The following DNAH7 variants were observed in gnomAD, a reference collection of about 807,000 sequenced individuals.
The protein encoded by DNAH7 is axonemal beta dynein heavy chain 7.
Under a neutral mutation model 444.6 loss-of-function variants are expected in DNAH7, and 397 were observed. The observed-to-expected ratio is 0.89, with a 90% CI of 0.82 to 0.97. DNAH7 has a LOEUF of 0.97. Ranked by LOEUF, DNAH7 falls within the 50% of genes least tolerant of loss-of-function variation. DNAH7 has a pLI of 0.00. For missense variants in DNAH7, 4,902 were observed against 4,800.8 expected, an observed-to-expected ratio of 1.02 and a Z score of -0.62; for synonymous variants, 1,636 against 1,624.4, an observed-to-expected ratio of 1.01 and a Z score of -0.17.
At chr2:195,796,034 T>C (rs1255745431) in intron 56 of DNAH7, among the ~76,000 whole-genome samples, 1 of 152,070 alleles carries the variant, frequency 6.6e-6, no homozygotes, top group East Asian at 1.9e-4. Context: ...CATGGAGTTT[T>C]TTTCCTGGAA....
At chr2:195,831,737 CCAGA>C (rs1423372860) in intron 48 of DNAH7, among the ~76,000 whole-genome samples, 1 of 152,126 alleles carries the variant, frequency 6.6e-6, no homozygotes, top group Non-Finnish European at 1.5e-5. Flanking sequence ...ACAGTAAGCA[CCAGA>C]CAAAGACAGA....
chr2:195,894,892 T>G, intron 30 of DNAH7, 84 bp downstream of exon 30: 9 of 1,250,700 alleles, frequency 7.2e-6, no homozygotes, highest in Non-Finnish European at 9.5e-6. Flanking sequence ...GTTGCCACAT[T>G]GAATGCATCT....
At chr2:195,794,670 T>C (rs1437650426) in intron 56 of DNAH7, 132 bp from the exon 57 acceptor site, 2 of 801,050 alleles carry the variant, frequency 2.5e-6, no homozygotes, top group African/African-American at 3.5e-5. Context: ...GCTGCAATTT[T>C]CAGCAAAAGC....
At chr2:195,961,089 GAGCAGTAATCTC>G (rs1691067192) in intron 17 of DNAH7, 144 bp from the exon 18 acceptor site, 1 of 578,498 alleles carries the variant, frequency 1.7e-6, no homozygotes, top group African/African-American at 1.9e-5. Flanking sequence ...TAGAAAAACA[GAGCAGTAATCTC>G]ATTTTCCTAT....
chr2:195,884,510 G>A (rs1282099026), intron 35 of DNAH7, 75 bp downstream of exon 35: 3 of 1,068,234 alleles, frequency 2.8e-6, no homozygotes. Context: ...GTGGCCACAG[G>A]GCCATTATAT....
rs766805226 is a variant in DNAH7, at chr2:195,861,961, A to T, written c.7507-15T>A. The T allele has an allele frequency of 6.3e-7, 1 of 1,586,076 alleles. No homozygotes were observed. Among genetic ancestry groups the T allele is most frequent in the Non-Finnish European group, 8.7e-7 (1 of 1,155,142 alleles). On this transcript the variant is annotated splice_polypyrimidine_tract_variant and intron_variant, in intron 41 of 64. Coordinates refer to ENST00000312428, the MANE Select transcript of DNAH7 (RefSeq NM_018897.3). Reference sequence around the variant, plus strand: ...TCAGGCCATGACTAAATGTAAGATAAATGCTTTAGCATTTTATTAAGATTA... The same window carrying T: ...TCAGGCCATGACTAAATGTAAGATATATGCTTTAGCATTTTATTAAGATTA...
At chr2:195,943,484 G>A (rs1443253154) in intron 19 of DNAH7, among the ~76,000 whole-genome samples, 10 of 152,094 alleles carry the variant, frequency 6.6e-5, no homozygotes, top group South Asian at 6.2e-4. Context: ...AATTCATTTC[G>A]TGCAGACACA....
Position 195,957,269 on chromosome 2 carries a change from C to T in DNAH7, c.3070G>A (p.Val1024Ile). Residue 1024 changes from valine to isoleucine, a missense_variant, in exon 19 of 65, where the codon GTC (valine) becomes ATC (isoleucine). Physicochemically the swap from Val to Ile is conservative, Grantham distance 29 (BLOSUM62 3). Transcript: ENST00000312428. ...GAGATTTTTTCACCTACCTGCATGACACTTCTCATTATATCTCTCCATGTC... is the reference window on the plus strand; with the variant it reads ...GAGATTTTTTCACCTACCTGCATGATACTTCTCATTATATCTCTCCATGTC... ...DKTWRDIMRS[V>I]MQDKHVLTVV... The T allele has an allele frequency of 6.5e-7, 1 of 1,528,448 alleles. No individual in the cohort carries two copies. The highest frequency in any genetic ancestry group is 8.9e-7 in the Non-Finnish European group (1 of 1,126,894). 94.7% of individuals were successfully genotyped at this position (1,528,448 alleles called of 1,614,324 possible). A position where few individuals can be genotyped will look rare whatever the true frequency, so the allele number is the denominator to read the frequency against.
intron 40 of DNAH7, 44 bp downstream of exon 40, chr2:195,872,206 C>A: frequency 2.1e-6 from 3 of 1,443,268 alleles, no homozygotes; most frequent in Non-Finnish European, 1.9e-6. Flanking sequence ...CATGGCAAAT[C>A]TTTGTTTCTC....
intron 25 of DNAH7, among the ~76,000 whole-genome samples, chr2:195,909,692 T>C (rs1290389126): frequency 2.0e-5 from 3 of 152,132 alleles, no homozygotes; most frequent in Non-Finnish European, 4.4e-5. Flanking sequence ...AATAACAAGA[T>C]CTGTAGGTTA....
chr2:195,883,352 G>C (rs184357591), intron 35 of DNAH7, among the ~76,000 whole-genome samples: 2 of 152,164 alleles, frequency 1.3e-5, no homozygotes, highest in East Asian at 3.9e-4. Context: ...AGAGGCTGAG[G>C]CAGGAGAATG....
At position 195,936,659 on chromosome 2, in the gene DNAH7, A is replaced by G. The variant is rs1243919083; in HGVS notation, c.3212T>C (p.Phe1071Ser). The change falls in exon 20 of 65, where the codon TTC (phenylalanine) becomes TCC (serine). Residue 1071 changes from phenylalanine (F) to serine (S), a missense_variant. By Grantham distance (155) the Phe-to-Ser change is radical. Coordinates refer to ENST00000312428, the MANE Select transcript of DNAH7 (RefSeq NM_018897.3). Reference sequence around the variant, plus strand: ...AAGTTCATCATTGGACAAAAAAAAGAATCTGGGGAAAAAGAGGCGTTTCTT... The same window carrying G: ...AAGTTCATCATTGGACAAAAAAAAGGATCTGGGGAAAAAGAGGCGTTTCTT... Reference protein sequence around the residue: ...LEKKRLFFPRFFFLSNDELLE... With the variant: ...LEKKRLFFPRSFFLSNDELLE... 6.2e-7 allele frequency: 1 copy of G among 1,606,126 alleles called. No homozygotes were observed. The highest frequency in any genetic ancestry group is 1.7e-5 in the Admixed American group (1 of 58,584).
intron 21 of DNAH7, among the ~76,000 whole-genome samples, chr2:195,934,040 A>G (rs1305483220): frequency 6.6e-6 from 1 of 152,126 alleles, no homozygotes; most frequent in Non-Finnish European, 1.5e-5. Flanking sequence ...TGAGTGCTCA[A>G]TCTTTATTTA....
At chr2:195,923,450 TA>T in intron 23 of DNAH7, 144 bp downstream of exon 23, 1 of 697,264 alleles carries the variant, frequency 1.4e-6, no homozygotes, top group Non-Finnish European at 2.4e-6. Context: ...ATCTTCAATA[TA>T]AAGAAATGCT....
chr2:195,961,700 G>T (rs966654709), intron 17 of DNAH7, among the ~76,000 whole-genome samples: 1 of 152,110 alleles, frequency 6.6e-6, no homozygotes. Flanking sequence ...TAAAGAAAGA[G>T]TTTTTGTCTG....
chr2:195,753,986 C>T (rs931711964), intron 63 of DNAH7, among the ~76,000 whole-genome samples: 2 of 152,176 alleles, frequency 1.3e-5, no homozygotes, highest in African/African-American at 4.8e-5. Flanking sequence ...GGCTGATTAT[C>T]CTATATGCTG....
intron 21 of DNAH7, among the ~76,000 whole-genome samples, chr2:195,931,566 T>A (rs1350622263): frequency 3.3e-5 from 5 of 151,930 alleles, no homozygotes; most frequent in Non-Finnish European, 7.4e-5. Context: ...GTCTAACATT[T>A]AAGTCTTTAA....
chr2:195,827,581 C>CTATTT (rs1282878659), intron 48 of DNAH7, among the ~76,000 whole-genome samples: 11 of 151,562 alleles, frequency 7.3e-5, no homozygotes, highest in African/African-American at 2.7e-4. Context: ...TGCCTCCAGC[C>CTATTT]TATTTTATTT....
intron 27 of DNAH7, chr2:195,901,766 A>G (rs1315188621): frequency 6.6e-6 from 1 of 152,178 alleles, no homozygotes. Flanking sequence ...TTCAACAAGC[A>G]TAATAAAGGA....
Sources: allele counts gnomAD v4.1 joint callset (sites outside exome capture counted in the v4.1 genomes callset), GRCh38; gene constraint gnomAD v4.1.1; transcripts MANE v1.5; gene names NCBI Gene and HGNC (gene_info 2026-07-23, HGNC 2026-07-21).